G2E3: variants seen among roughly 807,000 people sequenced by gnomAD.
The protein encoded by G2E3 is G2/M-phase specific E3 ubiquitin protein ligase, also known as G2/M phase-specific E3 ubiquitin-protein ligase.
G2E3 carries 35 observed loss-of-function variants against 92.8 expected under a neutral mutation model. The ratio of observed to expected loss-of-function variants is 0.38; its 90% CI spans 0.29 to 0.50. The LOEUF (loss-of-function observed/expected upper bound fraction) is 0.50, where lower values mean the gene tolerates loss of function less well. Among genes scored for constraint, G2E3 ranks in the 20% least tolerant of loss-of-function variants. The pLI, the probability that G2E3 is intolerant of heterozygous loss-of-function variation, is 0.94. For synonymous variants in G2E3, 242 were observed against 272.4 expected (o/e 0.89, Z 1.10); for missense variants, 554 against 823.8 (o/e 0.67, Z 4.01).
intron 1 of G2E3, chr14:30,574,505 A>G (rs971557079): frequency 6.6e-6 from 1 of 150,740 alleles, no homozygotes; most frequent in Admixed American, 6.6e-5. Flanking sequence ...TTTGTTGCAC[A>G]TATTATTTCA....
At chr14:30,599,823 T>C (rs1459392027) in intron 8 of G2E3, among the ~76,000 whole-genome samples, 3 of 152,196 alleles carry the variant, frequency 2.0e-5, no homozygotes, top group Non-Finnish European at 4.4e-5. Flanking sequence ...ACATATATGG[T>C]TTACATTGTA....
intron 12 of G2E3, chr14:30,611,866 G>T: frequency 6.0e-6 from 1 of 167,444 alleles, no homozygotes; most frequent in Non-Finnish European, 1.3e-5. Flanking sequence ...TGCCCAGGAT[G>T]TTCTTGAACT....
intron 1 of G2E3, among the ~76,000 whole-genome samples, chr14:30,577,223 CAAAAAA>C (rs59757142): frequency 8.7e-5 from 7 of 80,748 alleles, no homozygotes; most frequent in African/African-American, 1.7e-4. Flanking sequence ...GACTCTGTCT[CAAAAAA>C]AAAAAAAAAA....
chr14:30,608,214 T>C, intron 12 of G2E3, 145 bp downstream of exon 12: 1 of 512,612 alleles, frequency 2.0e-6, no homozygotes. Flanking sequence ...AGTGGAGTTC[T>C]GAACCAGTTA....
intron 1 of G2E3, among the ~76,000 whole-genome samples, chr14:30,563,354 A>G (rs79355486): frequency 6.6e-6 from 1 of 152,156 alleles, no homozygotes; most frequent in Non-Finnish European, 1.5e-5. Flanking sequence ...ACCAGTAGGT[A>G]GGGTTGGTCT....
In G2E3 at chr14:30,607,719, G is replaced by T. The variant is rs370819316; in HGVS notation, c.1319-169G>T. 1.1e-4 allele frequency among the ~76,000 whole-genome samples: 16 copies of T among 152,142 alleles called. No homozygotes were observed. In the East Asian group the frequency reaches 1.3e-3, roughly 13 times the overall value. ...ATTTTTACTTTATATTCAGAAAAATGTGTCTTTTTTTATATTTTAGGTAAG... is the reference window on the plus strand; with the variant it reads ...ATTTTTACTTTATATTCAGAAAAATTTGTCTTTTTTTATATTTTAGGTAAG... On this transcript the variant is annotated intron_variant, in intron 11 of 14. Transcript: ENST00000206595.
intron 14 of G2E3, 103 bp downstream of exon 14, chr14:30,615,642 T>G: frequency 1.6e-6 from 1 of 617,568 alleles, no homozygotes; most frequent in Non-Finnish European, 2.7e-6. Flanking sequence ...GGTATTAATA[T>G]TAAGATGCTA....
intron 3 of G2E3, among the ~76,000 whole-genome samples, chr14:30,588,844 A>T (rs974793386): frequency 6.6e-6 from 1 of 152,150 alleles, no homozygotes; most frequent in Non-Finnish European, 1.5e-5. Flanking sequence ...TAAAAAGTCA[A>T]ACATTTATTA....
chr14:30,592,300 C>T (rs1272430851), intron 4 of G2E3, 23 bp from the exon 5 acceptor site: 9 of 1,605,878 alleles, frequency 5.6e-6, no homozygotes, highest in Non-Finnish European at 7.7e-6. Context: ...TGTTGTGACC[C>T]CTATTTTCAC....
intron 1 of G2E3, among the ~76,000 whole-genome samples, chr14:30,563,035 C>T (rs900150531): frequency 9.9e-5 from 15 of 152,034 alleles, no homozygotes; most frequent in African/African-American, 2.9e-4. Context: ...AGTGGTCCCC[C>T]GGGCCCAGCT....
chr14:30,579,470 C>A (rs1465060386), intron 1 of G2E3, among the ~76,000 whole-genome samples: 1 of 152,100 alleles, frequency 6.6e-6, no homozygotes, highest in Non-Finnish European at 1.5e-5. Flanking sequence ...ATCCAAAACA[C>A]TTTTTACAGT....
intron 11 of G2E3, among the ~76,000 whole-genome samples, chr14:30,607,102 G>A (rs1167002530): frequency 1.3e-5 from 2 of 152,092 alleles, no homozygotes; most frequent in Non-Finnish European, 2.9e-5. Context: ...GGGATGGTTT[G>A]CATTATAGTA....
At chr14:30,583,954 A>G (rs558168994) in intron 2 of G2E3, among the ~76,000 whole-genome samples, 72 of 152,298 alleles carry the variant, frequency 4.7e-4, no homozygotes, top group African/African-American at 1.6e-3. Context: ...CATCACCACT[A>G]TCTAGTTCTA....
At chr14:30,601,245 CACCACAT>C (rs1408483570) in intron 8 of G2E3, among the ~76,000 whole-genome samples, 1 of 152,200 alleles carries the variant, frequency 6.6e-6, no homozygotes, top group Non-Finnish European at 1.5e-5. Context: ...GACTGGCATA[CACCACAT>C]AACACAGTGG....
At chr14:30,574,628 A>G (rs1035544392) in intron 1 of G2E3, 2 of 151,982 alleles carry the variant, frequency 1.3e-5, no homozygotes, top group African/African-American at 2.4e-5. Flanking sequence ...CTTTGTGTTC[A>G]TGAGTTCTTA....
intron 1 of G2E3, among the ~76,000 whole-genome samples, chr14:30,568,773 T>C (rs952185809): frequency 6.6e-6 from 1 of 152,218 alleles, no homozygotes; most frequent in African/African-American, 2.4e-5. Flanking sequence ...CCAATAACAT[T>C]GATTTATATT....
chr14:30,613,051 C>G (rs145146876), intron 13 of G2E3, among the ~76,000 whole-genome samples: 33 of 152,056 alleles, frequency 2.2e-4, no homozygotes, highest in African/African-American at 7.7e-4. Context: ...ATATATTGAC[C>G]GTTCTTTGAT....
At chr14:30,559,827 GA>G (rs1878983246) in intron 1 of G2E3, 1 of 152,196 alleles carries the variant, frequency 6.6e-6, no homozygotes, top group Non-Finnish European at 1.5e-5. Context: ...GATTTAAACT[GA>G]AATTCGAGTG....
At chr14:30,590,495 C>G (rs978470885) in intron 4 of G2E3, 1 of 345,512 alleles carries the variant, frequency 2.9e-6, no homozygotes, top group East Asian at 7.5e-5. Flanking sequence ...TCTTTGTCCC[C>G]TTTCCTGCCC....
Sources: allele counts gnomAD v4.1 joint callset (sites outside exome capture counted in the v4.1 genomes callset), GRCh38; gene constraint gnomAD v4.1.1; transcripts MANE v1.5; gene names NCBI Gene and HGNC (gene_info 2026-07-23, HGNC 2026-07-21).